MSI2: variants seen among roughly 807,000 people sequenced by gnomAD.
The protein encoded by MSI2 is musashi RNA binding protein 2.
Under a neutral mutation model 45.6 loss-of-function variants are expected in MSI2, and 17 were observed. The observed-to-expected ratio is 0.37, with a 90% CI of 0.26 to 0.56. The LOEUF is 0.56. Ranked by LOEUF, MSI2 falls within the 20% of genes least tolerant of loss-of-function variation. MSI2 has a pLI of 0.77. For synonymous variants in MSI2, 156 were observed against 158.2 expected, an observed-to-expected ratio of 0.99 and a Z score of 0.11; for missense variants, 293 against 444.2, an observed-to-expected ratio of 0.66 and a Z score of 3.06.
At position 57,652,290 on chromosome 17, in the gene MSI2, T is replaced by A; in HGVS notation, c.790+129T>A. ...TCTCACCACAGCCCCGGGGAGGGGG[T>A]GGACGGGGAGGGGGTGGACCGGGAG... On this transcript the variant is annotated intron_variant, in intron 11 of 13. Transcript: ENST00000284073. This position sits in a 1 kb window ranked among gnomAD's most constrained non-coding sequence, Gnocchi z 4.1. 1 of 970,042 alleles carries A rather than the reference T, an allele frequency of 1.0e-6. No individual in the cohort carries two copies. The highest frequency in any genetic ancestry group is 1.6e-5 in the South Asian group (1 of 64,238). The allele number at this position is 970,042 out of a possible 1,614,324, so 60.1% of individuals were successfully genotyped here.
chr17:57,639,196 G>A (rs150790420), intron 10 of MSI2, among the ~76,000 whole-genome samples: 32 of 152,300 alleles, frequency 2.1e-4, no homozygotes, highest in Non-Finnish European at 4.3e-4. Context: ...AATTTTGGCA[G>A]GGACATAAAC....
intron 9 of MSI2, among the ~76,000 whole-genome samples, chr17:57,622,102 G>A (rs529276992): frequency 7.9e-5 from 12 of 152,318 alleles, no homozygotes; most frequent in Middle Eastern, 3.4e-3. Context: ...GGGAGGCTGA[G>A]GCAGAAGAAT....
At chr17:57,298,338 T>C (rs898194555) in intron 5 of MSI2, among the ~76,000 whole-genome samples, 2 of 152,228 alleles carry the variant, frequency 1.3e-5, no homozygotes, top group African/African-American at 4.8e-5. Flanking sequence ...TGTAATGTTT[T>C]GAAAGGAATC....
At chr17:57,542,137 G>A (rs1861471) in intron 7 of MSI2, among the ~76,000 whole-genome samples, 9,527 of 152,164 alleles carry the variant, frequency 0.063, 375 homozygotes, top group Admixed American at 0.1. Context: ...CACCAGCCCT[G>A]GGCTCCCTCC....
intron 6 of MSI2, among the ~76,000 whole-genome samples, chr17:57,447,695 T>C (rs1260143150): frequency 1.3e-5 from 2 of 152,102 alleles, no homozygotes; most frequent in Non-Finnish European, 2.9e-5. Context: ...GATCATCCCC[T>C]GAGGAGTGCA....
At chr17:57,698,208 A>G in the MSI2 span, among the ~76,000 whole-genome samples, 2 of 152,014 alleles carry the variant, frequency 1.3e-5, no homozygotes, top group Non-Finnish European at 2.9e-5. Context: ...TCCTGTCTCC[A>G]CCCTCTCTCT....
intron 5 of MSI2, among the ~76,000 whole-genome samples, chr17:57,298,040 AT>A (rs368609264): frequency 0.031 from 4,492 of 143,162 alleles, 74 homozygotes; most frequent in Middle Eastern, 0.039. Context: ...GTTAATGCTG[AT>A]TTTTTTTTTT....
intron 10 of MSI2, among the ~76,000 whole-genome samples, chr17:57,641,127 A>G: frequency 6.6e-6 from 1 of 152,180 alleles, no homozygotes; most frequent in Non-Finnish European, 1.5e-5. Flanking sequence ...TCTAGCAGTA[A>G]AAGGGTTGGT....
At chr17:57,352,981 T>C (rs1916139210) in intron 5 of MSI2, among the ~76,000 whole-genome samples, 3 of 152,198 alleles carry the variant, frequency 2.0e-5, no homozygotes, top group Non-Finnish European at 4.4e-5. Flanking sequence ...TAAAGAAATG[T>C]TTAAAAATTA....
Position 57,591,789 on chromosome 17 carries a change from A to T in MSI2, c.455-5079A>T, listed in dbSNP as rs967451679. ...AGGGCTGGGGGAGGGGGAAATGGGG[A>T]GTTATTTAACGGGTACAGAAAAGGT... On this transcript the variant is annotated intron_variant, in intron 7 of 13. Transcript: ENST00000284073. Among the ~76,000 whole-genome samples the T allele has an allele frequency of 2.0e-5, 3 of 150,274 alleles. No individual in the cohort carries two copies. The Admixed American group carries it at 2.0e-4, about 10-fold the overall frequency.
intron 7 of MSI2, among the ~76,000 whole-genome samples, chr17:57,557,412 A>G (rs1379576143): frequency 2.6e-5 from 4 of 152,362 alleles, no homozygotes; most frequent in South Asian, 2.1e-4. Context: ...CCCAGGGGCC[A>G]AAGCCCCCTT....
intron 5 of MSI2, among the ~76,000 whole-genome samples, chr17:57,355,570 A>G (rs369490843): frequency 1.3e-5 from 2 of 152,304 alleles, no homozygotes; most frequent in East Asian, 3.9e-4. Flanking sequence ...TTTACCCTCA[A>G]AACACAGACT....
intron 6 of MSI2, among the ~76,000 whole-genome samples, chr17:57,445,328 G>C (rs949894070): frequency 1.3e-5 from 2 of 152,214 alleles, no homozygotes; most frequent in Admixed American, 1.3e-4. Flanking sequence ...AGCCTTTTAT[G>C]TGACATTGAA....
At chr17:57,520,752 C>T (rs1196903654) in intron 6 of MSI2, among the ~76,000 whole-genome samples, 1 of 152,162 alleles carries the variant, frequency 6.6e-6, no homozygotes, top group East Asian at 1.9e-4. Context: ...CTCCTGGGTT[C>T]AAGCAATTCT....
At chr17:57,691,461 T>C in the MSI2 span, among the ~76,000 whole-genome samples, 3 of 152,210 alleles carry the variant, frequency 2.0e-5, no homozygotes, top group South Asian at 2.1e-4. Context: ...TTTAAGATAA[T>C]TGACATTTTA....
At chr17:57,305,441 A>G (rs1911798360) in intron 5 of MSI2, among the ~76,000 whole-genome samples, 1 of 152,186 alleles carries the variant, frequency 6.6e-6, no homozygotes, top group Non-Finnish European at 1.5e-5. Flanking sequence ...AAGAAGAGTT[A>G]ATAAATTAAT....
At chr17:57,370,768 C>T (rs532094146) in intron 5 of MSI2, among the ~76,000 whole-genome samples, 3 of 152,256 alleles carry the variant, frequency 2.0e-5, no homozygotes, top group East Asian at 3.9e-4. Context: ...CAGAGACTTG[C>T]GCTACAACAC....
intron 7 of MSI2, among the ~76,000 whole-genome samples, chr17:57,562,521 G>A (rs549649379): frequency 5.9e-5 from 9 of 152,326 alleles, no homozygotes; most frequent in African/African-American, 2.2e-4. Flanking sequence ...CTGTGCTGTC[G>A]TAGCACGCGA....
chr17:57,311,817 A>G (rs1912426262), intron 5 of MSI2, among the ~76,000 whole-genome samples: 1 of 152,246 alleles, frequency 6.6e-6, no homozygotes, highest in Non-Finnish European at 1.5e-5. Flanking sequence ...TAGCCTCCCA[A>G]GTAGCTGGGA....
Sources: gnomAD v4.1 joint callset for allele counts (sites outside exome capture counted in the v4.1 genomes callset) on GRCh38, gnomAD v4.1.1 for gene constraint, Gnocchi (gnomAD v3.1) non-coding constraint, MANE v1.5 for transcripts, NCBI Gene and HGNC (gene_info 2026-07-23, HGNC 2026-07-21) for gene names.